WDSUB1: variants seen among roughly 807,000 people sequenced by gnomAD.
The protein encoded by WDSUB1 is WD repeat, sterile alpha motif and U-box domain containing 1.
In WDSUB1, 49 loss-of-function variants were observed where a neutral mutation model predicts 53.9. The ratio of observed to expected loss-of-function variants is 0.91; its 90% CI spans 0.72 to 1.15. The LOEUF is 1.15. Ranked by LOEUF, WDSUB1 falls within the 50% of genes most tolerant of loss-of-function variation. WDSUB1 has a pLI of 0.00. For missense variants in WDSUB1, 514 were observed against 562.0 expected (o/e 0.91, Z 0.86); for synonymous variants, 194 against 200.6 (o/e 0.97, Z 0.28).
chr2:159,243,208 G>A (rs1559526523), intron 10 of WDSUB1, among the ~76,000 whole-genome samples: 1 of 147,242 alleles, frequency 6.8e-6, no homozygotes, highest in Non-Finnish European at 1.5e-5. Flanking sequence ...ATTACGCTAA[G>A]AAAAAAAAGC....
chr2:159,236,174 T>C lies in WDSUB1; in HGVS notation c.1290A>G (p.Glu430=). The stretch of plus-strand genomic sequence containing the variant: ...TGATCCAATTTTCCATTGCTTCCTT[T>C]TCATATGAATAGCCATCTAAAAAAA... ...PVIASDGYSY[E]KEAMENWISK... The change falls in exon 11 of 11, where the codon GAA becomes GAG. Residue 430 remains glutamate, a synonymous_variant. Transcript: ENST00000359774. The C allele has an allele frequency of 6.2e-7, 1 of 1,607,394 alleles. No homozygotes were observed. The highest frequency in any genetic ancestry group is 8.5e-7 in the Non-Finnish European group (1 of 1,178,014).
At chr2:159,280,808 G>T (rs1040744496) in intron 2 of WDSUB1, among the ~76,000 whole-genome samples, 1 of 151,898 alleles carries the variant, frequency 6.6e-6, no homozygotes, top group Non-Finnish European at 1.5e-5. Context: ...AGGGAGGCAC[G>T]GTGCTGAAGT....
At chr2:159,236,676 G>A (rs774778065) in intron 10 of WDSUB1, among the ~76,000 whole-genome samples, 1 of 151,842 alleles carries the variant, frequency 6.6e-6, no homozygotes, top group African/African-American at 2.4e-5. Context: ...TGTTTGTTTT[G>A]AGACCAAGTC....
At chr2:159,285,926 G>A (rs1352257513) in intron 1 of WDSUB1, among the ~76,000 whole-genome samples, 2 of 152,122 alleles carry the variant, frequency 1.3e-5, no homozygotes, top group South Asian at 2.1e-4. Flanking sequence ...CTGTGCAAGT[G>A]CGCACAGGTG....
At chr2:159,259,967 G>C in intron 5 of WDSUB1, 124 bp from the exon 6 acceptor site, 1 of 1,063,340 alleles carries the variant, frequency 9.4e-7, no homozygotes, top group East Asian at 2.9e-5. Context: ...CATACATTTA[G>C]AATGCAATCC....
chr2:159,279,562 A>C (rs905192910), intron 3 of WDSUB1, among the ~76,000 whole-genome samples, 199 bp downstream of exon 3: 14 of 152,204 alleles, frequency 9.2e-5, no homozygotes, highest in African/African-American at 3.4e-4. Context: ...AAAAAAAAGA[A>C]TGCAATTTTC....
chr2:159,250,323 AAAGTGTCACAAACAAAT>A (rs1185991949), intron 9 of WDSUB1, among the ~76,000 whole-genome samples: 1 of 152,184 alleles, frequency 6.6e-6, no homozygotes, highest in East Asian at 1.9e-4. Flanking sequence ...AATTTTTTTT[AAAGTGTCACAAACAAAT>A]CAATGATTTC....
chr2:159,240,825 G>A (rs1165851968), intron 10 of WDSUB1, among the ~76,000 whole-genome samples: 1 of 152,174 alleles, frequency 6.6e-6, no homozygotes, highest in East Asian at 1.9e-4. Context: ...CTTCCAGAAA[G>A]GACAACTATA....
chr2:159,247,995 T>TAAC (rs4027470), intron 10 of WDSUB1, among the ~76,000 whole-genome samples: 71,404 of 137,406 alleles, frequency 0.52, 19,475 homozygotes, highest in Non-Finnish European at 0.56. Context: ...GTAGGTCTGT[T>TAAC]AACACTTAGA....
At chr2:159,250,651 C>T (rs2060930251) in intron 9 of WDSUB1, among the ~76,000 whole-genome samples, 1 of 152,116 alleles carries the variant, frequency 6.6e-6, no homozygotes, top group African/African-American at 2.4e-5. Context: ...TTTATTTTGC[C>T]AGGCAAATAC....
At chr2:159,243,817 T>C (rs1433215887) in intron 10 of WDSUB1, among the ~76,000 whole-genome samples, 1 of 152,056 alleles carries the variant, frequency 6.6e-6, no homozygotes, top group African/African-American at 2.4e-5. Flanking sequence ...TACAGAAAGG[T>C]TCATAGCAGC....
intron 4 of WDSUB1, among the ~76,000 whole-genome samples, chr2:159,274,215 C>G (rs537193582): frequency 1.3e-5 from 2 of 152,050 alleles, no homozygotes; most frequent in Non-Finnish European, 1.5e-5. Context: ...GAAAACACCC[C>G]AAGACTGGCC....
At chr2:159,272,934 A>G (rs914269865) in intron 4 of WDSUB1, among the ~76,000 whole-genome samples, 2 of 152,212 alleles carry the variant, frequency 1.3e-5, no homozygotes, top group Admixed American at 1.3e-4. Context: ...ACCTATAAAA[A>G]TAAAAAGAAA....
At chr2:159,238,162 T>C (rs908350631) in intron 10 of WDSUB1, among the ~76,000 whole-genome samples, 3 of 152,234 alleles carry the variant, frequency 2.0e-5, no homozygotes, top group Admixed American at 6.5e-5. Flanking sequence ...GAGCTATTCA[T>C]ATTTTTTGCC....
intron 8 of WDSUB1, among the ~76,000 whole-genome samples, chr2:159,257,509 C>T (rs2061090511): frequency 1.3e-5 from 2 of 151,912 alleles, no homozygotes; most frequent in Admixed American, 6.6e-5. Context: ...GCCTCAGCCT[C>T]CCGAGTAGCG....
At chr2:159,246,074 A>T (rs1002705096) in intron 10 of WDSUB1, among the ~76,000 whole-genome samples, 1 of 152,218 alleles carries the variant, frequency 6.6e-6, no homozygotes, top group Non-Finnish European at 1.5e-5. Flanking sequence ...ATGATATATG[A>T]CTGGATAAAT....
At chr2:159,285,900 A>C (rs2061783390) in intron 1 of WDSUB1, among the ~76,000 whole-genome samples, 1 of 151,922 alleles carries the variant, frequency 6.6e-6, no homozygotes, top group Admixed American at 6.6e-5. Context: ...CTTTCTGGAG[A>C]GCTCGCAAAT....
chr2:159,285,113 C>T (rs899243520), intron 1 of WDSUB1, among the ~76,000 whole-genome samples: 5 of 152,202 alleles, frequency 3.3e-5, no homozygotes, highest in African/African-American at 9.6e-5. Context: ...TGCCATCTTG[C>T]TCATTTCTGT....
intron 5 of WDSUB1, among the ~76,000 whole-genome samples, chr2:159,266,390 A>T (rs78948820): frequency 6.6e-6 from 1 of 152,146 alleles, no homozygotes; most frequent in South Asian, 2.1e-4. Flanking sequence ...GGGTTTCACC[A>T]TGTTAGCCAG....
Sources: allele counts gnomAD v4.1 joint callset (sites outside exome capture counted in the v4.1 genomes callset), GRCh38; gene constraint gnomAD v4.1.1; transcripts MANE v1.5; gene names NCBI Gene and HGNC (gene_info 2026-07-23, HGNC 2026-07-21).